Variants in ZNF600 observed in about 807,000 individuals in gnomAD.
ZNF600 encodes zinc finger protein KR-ZNF1.
ZNF600 carries 4 observed loss-of-function variants against 7.3 expected under a neutral mutation model. That is an observed-to-expected ratio of 0.55 (90% CI 0.27 to 1.25). The LOEUF is 1.25. Ranked by LOEUF, ZNF600 falls within the 50% of genes most tolerant of loss-of-function variation. The pLI, the probability that ZNF600 is intolerant of heterozygous loss-of-function variation, is 0.12. For synonymous variants in ZNF600, 290 were observed against 308.9 expected (o/e 0.94, Z 0.64); for missense variants, 911 against 922.1 (o/e 0.99, Z 0.16).
chr19:52,765,465 TATGA>T, exon 4 of ZNF600: 1 of 1,419,888 alleles, frequency 7.0e-7, no homozygotes, highest in Non-Finnish European at 9.9e-7. Context: ...AACTGCAATG[TATGA>T]ATGATGTCTG....
upstream of ZNF600, among the ~76,000 whole-genome samples, chr19:52,789,068 G>A (rs2062785252): frequency 1.3e-5 from 2 of 152,174 alleles, no homozygotes; most frequent in Non-Finnish European, 2.9e-5. Flanking sequence ...AGAGATGGGG[G>A]TGAAGGTGGG....
At chr19:52,806,372 T>C in the ZNF600 span, among the ~76,000 whole-genome samples, 5 of 152,034 alleles carry the variant, frequency 3.3e-5, no homozygotes, top group Admixed American at 2.6e-4. Context: ...TTTTGTAACT[T>C]TAGTAGAGAC....
At chr19:52,807,663 C>T in the ZNF600 span, among the ~76,000 whole-genome samples, 1 of 152,184 alleles carries the variant, frequency 6.6e-6, no homozygotes, top group Admixed American at 6.6e-5. Context: ...TTAGTACAGA[C>T]AGGGTTTCTG....
chr19:52,772,827 A>G (rs1335883085), intron 3 of ZNF600, among the ~76,000 whole-genome samples: 5 of 152,088 alleles, frequency 3.3e-5, no homozygotes, highest in Non-Finnish European at 5.9e-5. Context: ...CAGAAAATAC[A>G]AGGAGAACAG....
At chr19:52,772,611 A>C (rs1188185238) in intron 3 of ZNF600, among the ~76,000 whole-genome samples, 2 of 152,142 alleles carry the variant, frequency 1.3e-5, no homozygotes, top group Non-Finnish European at 2.9e-5. Flanking sequence ...CTCAAAAAAC[A>C]AACAAACAAA....
Position 52,784,032 on chromosome 19 carries a change from G to A in ZNF600, c.-20+2563C>T, listed in dbSNP as rs527451603. 2.6e-5 allele frequency among the ~76,000 whole-genome samples: 4 copies of A among 152,150 alleles called. No individual in the cohort carries two copies. In the South Asian group the frequency reaches 8.3e-4, roughly 32 times the overall value. On this transcript the variant is annotated intron_variant, in intron 1 of 3. Transcript: ENST00000648973. The stretch of plus-strand genomic sequence containing the variant: ...AGAGATAGTCATTAGCCAAGATCGT[G>A]CCAGTGCACTCCAGCTTGGGCAAAA...
At chr19:52,778,644 C>T (rs1455462936) in intron 2 of ZNF600, among the ~76,000 whole-genome samples, 182 bp downstream of exon 4, 4 of 152,140 alleles carry the variant, frequency 2.6e-5, no homozygotes, top group Non-Finnish European at 5.9e-5. Context: ...CCCAAGTTCA[C>T]ATCACTGGGT....
chr19:52,766,848 T>C (rs1371109635), exon 4 of ZNF600: 1 of 1,614,166 alleles, frequency 6.2e-7, no homozygotes, highest in Non-Finnish European at 8.5e-7. Context: ...TTCTTCACAT[T>C]TGTAAGGTTT....
chr19:52,801,769 A>G, the ZNF600 span: 24 of 1,390,938 alleles, frequency 1.7e-5, no homozygotes, highest in South Asian at 4.2e-5. Context: ...GAAATGTGTA[A>G]ATATGACACA....
At chr19:52,789,568 A>G (rs1168748654), upstream of ZNF600, among the ~76,000 whole-genome samples, 2 of 152,152 alleles carry the variant, frequency 1.3e-5, no homozygotes, top group Non-Finnish European at 2.9e-5. Flanking sequence ...ATCCTGGGCA[A>G]TGGAGCGAGA....
At chr19:52,766,259 C>T (rs1309086683) in exon 4 of ZNF600, 3 of 1,614,026 alleles carry the variant, frequency 1.9e-6, no homozygotes, top group South Asian at 1.1e-5. Context: ...ACTCATTACA[C>T]TTGTAAGGTT....
At chr19:52,776,426 T>G (rs1444244219) in intron 2 of ZNF600, among the ~76,000 whole-genome samples, 2 of 152,012 alleles carry the variant, frequency 1.3e-5, no homozygotes, top group African/African-American at 4.8e-5. Context: ...CTTTTTTTTT[T>G]TTTGAGATGG....
At chr19:52,768,420 A>C (rs1177314728) in intron 3 of ZNF600, among the ~76,000 whole-genome samples, 2 of 150,742 alleles carry the variant, frequency 1.3e-5, no homozygotes, top group Non-Finnish European at 3.0e-5. Context: ...AGCCTGGGTG[A>C]CAAAGTGAGA....
At chr19:52,793,036 C>T in the ZNF600 span, among the ~76,000 whole-genome samples, 70 of 152,246 alleles carry the variant, frequency 4.6e-4, no homozygotes, top group African/African-American at 1.6e-3. Context: ...GCACCTGGCC[C>T]GGCCCAATCC....
exon 4 of ZNF600, chr19:52,765,913 A>G (rs1357792593): frequency 6.2e-7 from 1 of 1,614,140 alleles, no homozygotes. Flanking sequence ...GCCTTCCCAC[A>G]TTCATTACAC....
intron 1 of ZNF600, among the ~76,000 whole-genome samples, chr19:52,782,296 G>C (rs2062728944): frequency 6.6e-6 from 1 of 152,074 alleles, no homozygotes; most frequent in South Asian, 2.1e-4. Flanking sequence ...AGCTGAGGCG[G>C]GAGGATCACC....
At chr19:52,789,024 C>G (rs2062785171), upstream of ZNF600, among the ~76,000 whole-genome samples, 1 of 152,044 alleles carries the variant, frequency 6.6e-6, no homozygotes. Flanking sequence ...AGCGAAGGAG[C>G]AAAAAGGATC....
intron 1 of ZNF600, among the ~76,000 whole-genome samples, chr19:52,785,751 C>T (rs954878453): frequency 3.3e-5 from 5 of 152,108 alleles, no homozygotes; most frequent in African/African-American, 1.2e-4. Context: ...TCTGTTCTTG[C>T]CACCAGCACC....
At chr19:52,811,034 C>T in the ZNF600 span, among the ~76,000 whole-genome samples, 9 of 148,286 alleles carry the variant, frequency 6.1e-5, no homozygotes, top group Non-Finnish European at 1.2e-4. Context: ...CGATTGCAGG[C>T]ACGCGCCGCC....
Sources: allele counts gnomAD v4.1 joint callset (sites outside exome capture counted in the v4.1 genomes callset), GRCh38; gene constraint gnomAD v4.1.1; transcripts MANE v1.5; gene names NCBI Gene and HGNC (gene_info 2026-07-23, HGNC 2026-07-21).